Variants in PRSS12 observed in about 807,000 individuals in gnomAD.
PRSS12 encodes neurotrypsin.
Under a neutral mutation model 104.4 loss-of-function variants are expected in PRSS12, and 85 were observed. That is an observed-to-expected ratio of 0.81 (90% CI 0.68 to 0.98). PRSS12 has a LOEUF of 0.98. PRSS12 is among the 50% of genes least tolerant of loss of function. The probability of loss-of-function intolerance (pLI) is 0.00; values close to 1 mark genes in which losing one functional copy is unlikely to be tolerated. For missense variants in PRSS12, 1,141 were observed against 1,139.2 expected (o/e 1.00, Z -0.02); for synonymous variants, 454 against 425.2 (o/e 1.07, Z -0.83).
chr4:118,333,945 T>A (rs1046034624), intron 3 of PRSS12, among the ~76,000 whole-genome samples: 4 of 152,194 alleles, frequency 2.6e-5, no homozygotes, highest in Non-Finnish European at 4.4e-5. Context: ...TCCCCACGTT[T>A]TCATTTAGAT....
chr4:118,299,764 TTAAATAAAATA>T (rs1743353344), intron 8 of PRSS12, among the ~76,000 whole-genome samples: 1,731 of 82,342 alleles, frequency 0.021, 66 homozygotes, highest in East Asian at 0.11. Flanking sequence ...ATAAATAAAA[TTAAATAAAATA>T]AAATAAAATA....
At chr4:118,298,707 G>A (rs1191694149) in intron 9 of PRSS12, 26 bp downstream of exon 9, 1 of 1,605,114 alleles carries the variant, frequency 6.2e-7, no homozygotes, top group Admixed American at 1.7e-5. Flanking sequence ...TCCTTGACTT[G>A]TTTAGGGCTC....
chr4:118,338,467 C>T (rs1724116282), intron 1 of PRSS12, among the ~76,000 whole-genome samples, 153 bp from the exon 2 acceptor site: 1 of 152,150 alleles, frequency 6.6e-6, no homozygotes, highest in South Asian at 2.1e-4. Flanking sequence ...GTGTTTCTTC[C>T]TTTAAGTGAG....
At chr4:118,296,761 G>A (rs1267903551) in intron 9 of PRSS12, among the ~76,000 whole-genome samples, 1 of 152,062 alleles carries the variant, frequency 6.6e-6, no homozygotes, top group Non-Finnish European at 1.5e-5. Flanking sequence ...GGAGAAAGAC[G>A]TTCAACAATG....
intron 11 of PRSS12, 149 bp from the exon 12 acceptor site, chr4:118,283,260 A>G: frequency 1.0e-6 from 1 of 956,060 alleles, no homozygotes; most frequent in Non-Finnish European, 1.6e-6. Flanking sequence ...CTGACCCACC[A>G]TTCCTGATCC....
intron 1 of PRSS12, among the ~76,000 whole-genome samples, chr4:118,348,302 CA>C (rs1724406875): frequency 6.6e-6 from 1 of 152,162 alleles, no homozygotes; most frequent in Non-Finnish European, 1.5e-5. Flanking sequence ...TAAAATTACA[CA>C]AAAAGTTAAC....
intron 3 of PRSS12, 124 bp from the exon 4 acceptor site, chr4:118,331,990 G>A: frequency 8.2e-7 from 1 of 1,217,722 alleles, no homozygotes; most frequent in Non-Finnish European, 1.2e-6. Context: ...CCACACCAGT[G>A]ATATGGACAT....
intron 1 of PRSS12, 31 bp from the exon 2 acceptor site, chr4:118,338,345 A>C (rs546731407): frequency 1.9e-6 from 3 of 1,612,952 alleles, no homozygotes; most frequent in Admixed American, 3.3e-5. Flanking sequence ...AAAACCCTTT[A>C]ATAGTAAATA....
chr4:118,313,330 T>A lies in PRSS12; in HGVS notation c.1360A>T (p.Ser454Cys). ...STGPIWLDDV[S>C]CSGKETRFLQ... Reference sequence around the variant, plus strand: ...AATCTGGTTTCCTTTCCTGAGCAGCTGACGTCATCCAACCATATGGGCCCT... The same window carrying A: ...AATCTGGTTTCCTTTCCTGAGCAGCAGACGTCATCCAACCATATGGGCCCT... Residue 454 changes from serine (S) to cysteine (C), a missense_variant, in exon 7 of 13, where the codon AGC becomes TGC. Ser to Cys is a moderately radical substitution (Grantham distance 112). Transcript: ENST00000296498. The A allele has an allele frequency of 6.2e-7, 1 of 1,614,146 alleles. No homozygotes were observed. Among genetic ancestry groups the A allele is most frequent in the Non-Finnish European group, 8.5e-7 (1 of 1,180,014 alleles).
chr4:118,283,590 C>G (rs769882594), intron 11 of PRSS12, among the ~76,000 whole-genome samples: 9 of 152,182 alleles, frequency 5.9e-5, no homozygotes, highest in Non-Finnish European at 1.2e-4. Flanking sequence ...AAAGTGAATG[C>G]AAACCCAAAC....
chr4:118,352,309 A>G lies in PRSS12; in HGVS notation c.412T>C (p.Cys138Arg), dbSNP rs1359159380. The change falls in exon 1 of 13, where the codon TGT becomes CGT. Residue 138 changes from cysteine to arginine, a missense_variant. Physicochemically the swap from Cys to Arg is radical, Grantham distance 180 (BLOSUM62 -3). Coordinates refer to ENST00000296498, the MANE Select transcript of PRSS12 (RefSeq NM_003619.4). ...CTGCCCGCGCCGTCGGGGCTCCGACAAAAGTTGTGGCGCTGTCCTCGCAGC... is the reference window on the plus strand; with the variant it reads ...CTGCCCGCGCCGTCGGGGCTCCGACGAAAGTTGTGGCGCTGTCCTCGCAGC... ...AQLRGQRHNF[C>R]RSPDGAGRPW... is the part of the protein sequence containing the mutation. The G allele has an allele frequency of 6.3e-7, 1 of 1,599,982 alleles. No individual in the cohort carries two copies. Among genetic ancestry groups the G allele is most frequent in the Non-Finnish European group, 8.5e-7 (1 of 1,175,988 alleles).
intron 1 of PRSS12, among the ~76,000 whole-genome samples, chr4:118,342,433 C>T (rs763907309): frequency 2.2e-4 from 34 of 152,150 alleles, no homozygotes; most frequent in Non-Finnish European, 4.6e-4. Flanking sequence ...TGGACCACAC[C>T]GGAGTGTGTG....
intron 11 of PRSS12, among the ~76,000 whole-genome samples, chr4:118,284,746 T>G (rs1742976509): frequency 6.6e-6 from 1 of 152,182 alleles, no homozygotes; most frequent in Non-Finnish European, 1.5e-5. Context: ...CTCGAAAAAC[T>G]ACCCTGCTTG....
At chr4:118,333,941 C>T (rs1407173188) in intron 3 of PRSS12, among the ~76,000 whole-genome samples, 3 of 152,294 alleles carry the variant, frequency 2.0e-5, no homozygotes, top group East Asian at 3.9e-4. Context: ...AAACTCCCCA[C>T]GTTTTCATTT....
At position 118,282,222 on chromosome 4, in the gene PRSS12, AGTGTTCTTGAATAG is replaced by A. The variant is rs755031624; in HGVS notation, c.2328_2341del (p.Tyr777ThrfsTer10). 1.1e-5 allele frequency: 17 copies of A among 1,614,108 alleles called. No homozygotes were observed. The Admixed American group carries it at 2.8e-4, about 27-fold the overall frequency. On this transcript the variant is annotated frameshift_variant, in exon 13 of 13. Transcript: ENST00000296498. LOFTEE classifies it high-confidence loss of function. The stretch of plus-strand genomic sequence containing the variant: ...AAGTAAGGGAATGGCTGCTTGTTGT[AGTGTTCTTGAATAG>A]GCTCGTCCTACTCAGACCAAACATC...
intron 1 of PRSS12, among the ~76,000 whole-genome samples, chr4:118,347,897 T>C (rs907554231): frequency 1.3e-5 from 2 of 152,190 alleles, no homozygotes. Flanking sequence ...TAATTCTTCC[T>C]GTAGAAATGC....
At chr4:118,313,488 G>A in intron 6 of PRSS12, 91 bp from the exon 7 acceptor site, 1 of 1,343,974 alleles carries the variant, frequency 7.4e-7, no homozygotes, top group South Asian at 1.2e-5. Context: ...TTAGTTCAGT[G>A]ACATGACTTC....
At chr4:118,334,102 A>G (rs1349609164) in intron 3 of PRSS12, among the ~76,000 whole-genome samples, 1 of 152,162 alleles carries the variant, frequency 6.6e-6, no homozygotes, top group East Asian at 1.9e-4. Context: ...CTTAAGGTGA[A>G]CTCAATGTTC....
In PRSS12 at chr4:118,294,614, G is replaced by A. The variant is rs143940235; in HGVS notation, c.2039+325C>T. On this transcript the variant is annotated intron_variant, in intron 11 of 12. Transcript: ENST00000296498. ...CCTTATCATTATAACTAAATAATCCGAGGTCTATTCTACCTCCACAAAGAT... is the reference window on the plus strand; with the variant it reads ...CCTTATCATTATAACTAAATAATCCAAGGTCTATTCTACCTCCACAAAGAT... Among the ~76,000 whole-genome samples, 1,419 of 151,892 alleles carry A rather than the reference G, an allele frequency of 9.3e-3. 26 individuals carry two copies. Among genetic ancestry groups the A allele is most frequent in the Middle Eastern group, 0.082 (24 of 294 alleles).
Sources: allele counts gnomAD v4.1 joint callset (sites outside exome capture counted in the v4.1 genomes callset), GRCh38; gene constraint gnomAD v4.1.1; transcripts MANE v1.5; gene names NCBI Gene and HGNC (gene_info 2026-07-23, HGNC 2026-07-21).